The following CACNA2D2 variants were observed in gnomAD, a reference collection of about 807,000 sequenced individuals.
CACNA2D2 encodes voltage-dependent calcium channel subunit alpha-2/delta-2.
A neutral mutation model predicts 166.4 loss-of-function variants in CACNA2D2; 48 were observed. The ratio of observed to expected loss-of-function variants is 0.29; its 90% CI spans 0.23 to 0.37. The LOEUF (loss-of-function observed/expected upper bound fraction) is 0.37. Among genes scored for constraint, CACNA2D2 ranks in the 10% least tolerant of loss-of-function variants. The pLI, the probability that CACNA2D2 is intolerant of heterozygous loss-of-function variation, is 1.00. For synonymous variants in CACNA2D2, 561 were observed against 573.7 expected, an observed-to-expected ratio of 0.98 and a Z score of 0.32; for missense variants, 1,122 against 1,433.0, an observed-to-expected ratio of 0.78 and a Z score of 3.50.
At chr3:50,371,058 AGGTGAAGGGAGACCCTC>A (rs1704634088) in intron 22 of CACNA2D2, among the ~76,000 whole-genome samples, 1 of 151,874 alleles carries the variant, frequency 6.6e-6, no homozygotes, top group African/African-American at 2.4e-5. Flanking sequence ...CTGGGCTAGG[AGGTGAAGGGAGACCCTC>A]AAAGTGCCAA....
In CACNA2D2 at chr3:50,379,233, A is replaced by ATGAG; in HGVS notation, c.1153-35_1153-34insCTCA. 1 of 1,572,070 alleles carries ATGAG rather than the reference A, an allele frequency of 6.4e-7. No individual in the cohort carries two copies. Among genetic ancestry groups the ATGAG allele is most frequent in the Non-Finnish European group, 8.8e-7 (1 of 1,142,156 alleles). ...AGTGAGGCGGAGGCAGGCAGCTCTC[A>ATGAG]GCCCTCCCTGGTCCAGGGGCAGGGC... On this transcript the variant is annotated intron_variant, in intron 11 of 37. Transcript: ENST00000424201. This position sits in a 1 kb window ranked among gnomAD's most constrained non-coding sequence, Gnocchi z 6.5.
chr3:50,434,469 C>T (rs1559944171), intron 2 of CACNA2D2, 40 bp from the exon 3 acceptor site: 3 of 1,450,772 alleles, frequency 2.1e-6, no homozygotes, highest in Non-Finnish European at 2.9e-6. Context: ...CCAGGTGGTC[C>T]CACGTCCTCA....
intron 2 of CACNA2D2, among the ~76,000 whole-genome samples, chr3:50,446,282 A>G (rs902579205): frequency 1.3e-5 from 2 of 152,180 alleles, no homozygotes; most frequent in Non-Finnish European, 2.9e-5. Flanking sequence ...GTGAGCCTCC[A>G]CACCGGCCAT....
chr3:50,366,523 G>A lies in CACNA2D2; in HGVS notation c.2637+55C>T. 1 of 1,589,046 alleles carries A rather than the reference G, an allele frequency of 6.3e-7. No individual in the cohort carries two copies. Among genetic ancestry groups the A allele is most frequent in the South Asian group, 1.1e-5 (1 of 90,574 alleles). ...GTGCTGGGAGTCGCGGCTGGGACTA[G>A]GAAGTCTGGAAGTGGGGTAAGCTAG... On this transcript the variant is annotated intron_variant, in intron 30 of 37. Transcript: ENST00000424201. The surrounding 1 kb of genome is among the most constrained non-coding windows in gnomAD (Gnocchi z 5.9).
chr3:50,474,807 A>G (rs1054774036), intron 2 of CACNA2D2, among the ~76,000 whole-genome samples: 1 of 152,134 alleles, frequency 6.6e-6, no homozygotes, highest in Non-Finnish European at 1.5e-5. Flanking sequence ...CTGAGCCTAA[A>G]TTGACTCCTG....
At chr3:50,454,230 GGAACCGA>G (rs1037688638) in intron 2 of CACNA2D2, among the ~76,000 whole-genome samples, 9 of 152,240 alleles carry the variant, frequency 5.9e-5, no homozygotes, top group African/African-American at 1.9e-4. Flanking sequence ...GAGGGGGCTA[GGAACCGA>G]GTCCAGGAGG....
At chr3:50,498,209 A>T (rs1232561553) in intron 1 of CACNA2D2, among the ~76,000 whole-genome samples, 2 of 152,014 alleles carry the variant, frequency 1.3e-5, no homozygotes, top group Non-Finnish European at 2.9e-5. Context: ...TGACTCCCAA[A>T]CCTCCAGCTG....
chr3:50,365,042 G>A lies in CACNA2D2; in HGVS notation c.3208+33C>T, dbSNP rs1234129007. 4 of 1,594,450 alleles carry A rather than the reference G, an allele frequency of 2.5e-6. No homozygotes were observed. Among genetic ancestry groups the A allele is most frequent in the Non-Finnish European group, 3.4e-6 (4 of 1,168,756 alleles). ...GGAGGGGGCGCGCGGGGCAGAGGGG[G>A]AGCGGGCGGCGGGGAGGGCGGGGGC... On this transcript the variant is annotated intron_variant, in intron 36 of 37. Transcript: ENST00000424201. The surrounding 1 kb of genome is among the most constrained non-coding windows in gnomAD (Gnocchi z 4.5).
chr3:50,477,866 C>G (rs1697864016), intron 1 of CACNA2D2, among the ~76,000 whole-genome samples: 1 of 152,104 alleles, frequency 6.6e-6, no homozygotes, highest in Non-Finnish European at 1.5e-5. Flanking sequence ...TGTTCTGGCT[C>G]CATGGATCAG....
chr3:50,466,793 C>T (rs1195737151), intron 2 of CACNA2D2, among the ~76,000 whole-genome samples: 3 of 152,242 alleles, frequency 2.0e-5, no homozygotes, highest in Non-Finnish European at 4.4e-5. Context: ...CCCTGCCTTC[C>T]GGCCATGGTC....
At chr3:50,439,446 T>C (rs555267466) in intron 2 of CACNA2D2, among the ~76,000 whole-genome samples, 1 of 152,364 alleles carries the variant, frequency 6.6e-6, no homozygotes, top group Non-Finnish European at 1.5e-5. Flanking sequence ...TTGGCCCTGC[T>C]GCCAGCTGTC....
At chr3:50,410,060 A>G (rs1412868109) in intron 3 of CACNA2D2, among the ~76,000 whole-genome samples, 1 of 152,220 alleles carries the variant, frequency 6.6e-6, no homozygotes, top group Non-Finnish European at 1.5e-5. Context: ...CTGGCCCCCA[A>G]GAACCCTCTT....
intron 4 of CACNA2D2, among the ~76,000 whole-genome samples, chr3:50,391,748 G>A (rs959452158): frequency 6.6e-6 from 1 of 152,218 alleles, no homozygotes; most frequent in African/African-American, 2.4e-5. Context: ...GTTTGCATCT[G>A]GACCTGCTGT....
intron 1 of CACNA2D2, among the ~76,000 whole-genome samples, chr3:50,484,527 G>A (rs1698193882): frequency 1.3e-5 from 2 of 152,092 alleles, no homozygotes; most frequent in African/African-American, 4.8e-5. Flanking sequence ...CCCTGCACAG[G>A]CTTCGGCACA....
chr3:50,475,099 ACACTGGCTGC>A (rs1710252548), intron 2 of CACNA2D2, among the ~76,000 whole-genome samples: 1 of 152,062 alleles, frequency 6.6e-6, no homozygotes, highest in African/African-American at 2.4e-5. Context: ...CAATGTCAAC[ACACTGGCTGC>A]CACCCCCACT....
intron 1 of CACNA2D2, among the ~76,000 whole-genome samples, chr3:50,494,829 T>C (rs1448446726): frequency 6.6e-6 from 1 of 152,072 alleles, no homozygotes. Flanking sequence ...TGTACACTAC[T>C]ACACCTGGCT....
rs1019933055 is a variant in CACNA2D2, at chr3:50,387,621, G to A, written c.466-9C>T. 1.6e-5 allele frequency: 26 copies of A among 1,611,580 alleles called. No homozygotes were observed. The highest frequency in any genetic ancestry group is 2.2e-5 in the Non-Finnish European group (26 of 1,178,220). ...TACACGATGTCTTCCTCCTGGTGAGGGGAGAGAGGCCTCAGCACTAGCTGC... is the reference window on the plus strand; with the variant it reads ...TACACGATGTCTTCCTCCTGGTGAGAGGAGAGAGGCCTCAGCACTAGCTGC... On this transcript the variant is annotated splice_polypyrimidine_tract_variant and intron_variant, in intron 4 of 37. Transcript: ENST00000424201.
At chr3:50,371,518 A>AC (rs1484819937) in intron 22 of CACNA2D2, among the ~76,000 whole-genome samples, 4 of 152,088 alleles carry the variant, frequency 2.6e-5, no homozygotes, top group African/African-American at 4.8e-5. Flanking sequence ...GGCCTGTCTC[A>AC]CTGTGGGTGG....
chr3:50,369,903 C>T (rs587655941), intron 23 of CACNA2D2, among the ~76,000 whole-genome samples: 10 of 152,214 alleles, frequency 6.6e-5, no homozygotes, highest in South Asian at 4.1e-4. Context: ...CAGACCCACA[C>T]GAACACCGAC....
Sources: gnomAD v4.1 joint callset for allele counts (sites outside exome capture counted in the v4.1 genomes callset) on GRCh38, gnomAD v4.1.1 for gene constraint, Gnocchi (gnomAD v3.1) non-coding constraint, MANE v1.5 for transcripts, NCBI Gene and HGNC (gene_info 2026-07-23, HGNC 2026-07-21) for gene names.